NIPAL1: variants seen among roughly 807,000 people sequenced by gnomAD.
The protein encoded by NIPAL1 is NIPA like domain containing 1.
A neutral mutation model predicts 37.7 loss-of-function variants in NIPAL1; 35 were observed. The observed-to-expected ratio is 0.93, with a 90% CI of 0.71 to 1.23. The LOEUF (loss-of-function observed/expected upper bound fraction) is 1.23, where lower values mean the gene tolerates loss of function less well. NIPAL1 is among the 50% of genes most tolerant of loss of function. The probability of loss-of-function intolerance (pLI) is 0.00; values close to 1 mark genes in which losing one functional copy is unlikely to be tolerated. For synonymous variants in NIPAL1, 162 were observed against 183.0 expected (o/e 0.89, Z 0.93); for missense variants, 412 against 473.9 (o/e 0.87, Z 1.21).
At chr4:48,024,124 C>T (rs1406799112) in intron 1 of NIPAL1, among the ~76,000 whole-genome samples, 2 of 152,014 alleles carry the variant, frequency 1.3e-5, no homozygotes, top group Non-Finnish European at 2.9e-5. Context: ...AGGCATGCAC[C>T]ACCATGCCCA....
rs200319147 is a variant in NIPAL1, at chr4:48,027,034, T to TA, written c.313+1710dup. Among the ~76,000 whole-genome samples the TA allele has an allele frequency of 5.7e-3, 836 of 147,698 alleles. 8 individuals are homozygous for TA. Among genetic ancestry groups the TA allele is most frequent in the African/African-American group, 0.019 (777 of 40,342 alleles). ...CGCCTGGCCAAAAAATGAAATAATTTAAAAAAAAAAGAAGGCTTTTCTAAG... is the reference window on the plus strand; with the variant it reads ...CGCCTGGCCAAAAAATGAAATAATTTAAAAAAAAAAAGAAGGCTTTTCTAAG... On this transcript the variant is annotated intron_variant, in intron 2 of 5. Transcript: ENST00000295461. This position sits in a 1 kb window ranked among gnomAD's most constrained non-coding sequence, Gnocchi z 4.1.
At position 48,017,997 on chromosome 4, in the gene NIPAL1, G is replaced by A. The variant is rs1206181012; in HGVS notation, c.46+1112G>A. Among the ~76,000 whole-genome samples, 3 of 151,828 alleles carry A rather than the reference G, an allele frequency of 2.0e-5. No individual in the cohort carries two copies. The East Asian group carries it at 5.8e-4, about 29-fold the overall frequency. On this transcript the variant is annotated intron_variant, in intron 1 of 5. Transcript: ENST00000295461. ...GAGCTCGTCCAAACCATGCTAGCAA[G>A]GAAGAGAAGGGACACCAAAAAAAGG... is the stretch of plus-strand genomic sequence containing the variant.
In NIPAL1 at chr4:48,016,882, G is replaced by T; in HGVS notation, c.43G>T (p.Glu15Ter). The T allele has an allele frequency of 6.3e-7, 1 of 1,597,160 alleles. No homozygotes were observed. Among genetic ancestry groups the T allele is most frequent in the Non-Finnish European group, 8.5e-7 (1 of 1,173,892 alleles). The change falls in exon 1 of 6, where the codon GAA becomes TAA. Residue 15 changes from glutamate (E) to a stop codon, truncating the protein, a stop_gained. Transcript: ENST00000295461. LOFTEE classifies it high-confidence loss of function. ...GCTGCCGCCCGGAGAGCCCTGCCGA[G>T]AAGGTTTGTGTCTGCCCTGAGCCGA... ...VRLPPGEPCR[E>*]GYVLSLVCPN...
At chr4:48,029,894 C>A (rs1715783205) in intron 2 of NIPAL1, among the ~76,000 whole-genome samples, 1 of 151,816 alleles carries the variant, frequency 6.6e-6, no homozygotes, top group South Asian at 2.1e-4. Context: ...GGAAAAAAAT[C>A]TAAATGCAAT....
rs759275113 is a variant in NIPAL1, at chr4:48,035,839, C to G, written c.900C>G (p.Thr300=). 2 of 1,614,150 alleles carry G rather than the reference C, an allele frequency of 1.2e-6. No homozygotes were observed. The highest frequency in any genetic ancestry group is 1.7e-6 in the Non-Finnish European group (2 of 1,180,008). ...ACTATCTCAACAAGGCACTGGACAC[C>G]TTTAATACCTCTCTTGTGACACCCA... The part of the protein sequence containing the change: ...QINYLNKALD[T]FNTSLVTPIY... Residue 300 remains threonine (T), a synonymous_variant, in exon 6 of 6, where the codon ACC becomes ACG. Transcript: ENST00000295461.
At position 48,036,232 on chromosome 4, in the gene NIPAL1, T is replaced by C. The variant is rs1390226674; in HGVS notation, c.*60T>C. The C allele has an allele frequency of 6.9e-7, 1 of 1,458,370 alleles. No individual in the cohort carries two copies. The highest frequency in any genetic ancestry group is 1.5e-5 in the African/African-American group (1 of 68,834). The allele number at this position is 1,458,370 out of a possible 1,614,324, so 90.3% of individuals were successfully genotyped here. A position where few individuals can be genotyped will look rare whatever the true frequency, so the allele number is the denominator to read the frequency against. ...GACACACGAAGAGGAAAATGAATGC[T>C]TGCTTCTTGGAAGAACTGCTAGGAA... On this transcript the variant is annotated 3_prime_UTR_variant, in exon 6 of 6. Coordinates refer to ENST00000295461, the MANE Select transcript of NIPAL1 (RefSeq NM_207330.3).
rs1221607772 is a variant in NIPAL1, at chr4:48,025,334, G to C, written c.313G>C (p.Gly105Arg). ...QLASKGFTRA[G>R]QGGHSYLKEW... ...GGCCAGCAAGGGCTTTACTAGAGCT[G>C]GTAAGAAACACATGCAACTAATGAA... The change falls in exon 2 of 6, where the codon GGA becomes CGA. Residue 105 changes from glycine (G) to arginine (R), a missense_variant and splice_region_variant. By Grantham distance (125) the Gly-to-Arg change is moderately radical. Transcript: ENST00000295461. 1 of 1,612,584 alleles carries C rather than the reference G, an allele frequency of 6.2e-7. No individual in the cohort carries two copies. Among genetic ancestry groups the C allele is most frequent in the Non-Finnish European group, 8.5e-7 (1 of 1,179,514 alleles).
intron 4 of NIPAL1, among the ~76,000 whole-genome samples, chr4:48,034,385 T>G (rs996149259): frequency 1.3e-5 from 2 of 152,140 alleles, no homozygotes; most frequent in African/African-American, 2.4e-5. Context: ...CCCAAGACAA[T>G]TCTTCCAGTG....
chr4:48,036,027 C>CT lies in NIPAL1; in HGVS notation c.1090dup (p.Trp364LeufsTer3), dbSNP rs1444660900. ...CATGCTTTTAAAAATACTGACATTA[C>CT]TTGGAGTGAGCTTACATCCACTGCT... On this transcript the variant is annotated frameshift_variant, in exon 6 of 6. Coordinates refer to ENST00000295461, the MANE Select transcript of NIPAL1 (RefSeq NM_207330.3). LOFTEE classifies it high-confidence loss of function. 1 of 1,612,714 alleles carries CT rather than the reference C, an allele frequency of 6.2e-7. No homozygotes were observed. Among genetic ancestry groups the CT allele is most frequent in the Admixed American group, 1.7e-5 (1 of 59,540 alleles).
intron 1 of NIPAL1, among the ~76,000 whole-genome samples, chr4:48,020,830 T>C (rs1206287904): frequency 2.0e-5 from 3 of 152,196 alleles, no homozygotes; most frequent in Admixed American, 1.3e-4. Flanking sequence ...GTAGAATAGA[T>C]GGTGAGACCC....
intron 1 of NIPAL1, among the ~76,000 whole-genome samples, chr4:48,021,235 A>G (rs1196558666): frequency 2.0e-5 from 3 of 152,210 alleles, no homozygotes; most frequent in Non-Finnish European, 4.4e-5. Context: ...AGCAACATTT[A>G]TGAGGCACCA....
rs1474975478 is a variant in NIPAL1 at position 48,037,961 on chromosome 4, T to G, written c.*1789T>G. On this transcript the variant is annotated 3_prime_UTR_variant, in exon 6 of 6. Coordinates refer to ENST00000295461, the MANE Select transcript of NIPAL1 (RefSeq NM_207330.3). ...AAAAAAAATTCAGGTAGACTGAATG[T>G]TTTTCTGCTCTAACCTTAAATGTTA... 2 of 152,238 alleles carry G rather than the reference T, an allele frequency of 1.3e-5. No homozygotes were observed. 9.4% of individuals were successfully genotyped at this position (152,238 alleles called of 1,614,324 possible). A position where few individuals can be genotyped will look rare whatever the true frequency, so the allele number is the denominator to read the frequency against.
rs1237302561 is a variant in NIPAL1, at chr4:48,036,554, A to G, written c.*382A>G. The G allele has an allele frequency of 5.3e-6, 1 of 189,176 alleles. No individual in the cohort carries two copies. The highest frequency in any genetic ancestry group is 1.1e-5 in the Non-Finnish European group (1 of 94,156). 11.7% of individuals were successfully genotyped at this position (189,176 alleles called of 1,614,324 possible). On this transcript the variant is annotated 3_prime_UTR_variant, in exon 6 of 6. Coordinates refer to ENST00000295461, the MANE Select transcript of NIPAL1 (RefSeq NM_207330.3). Reference sequence around the variant, plus strand: ...GCAGTGTTCTGATAGACACAGTATCAGTCATATTCTCCGTTGAGTCATAAT... The same window carrying G: ...GCAGTGTTCTGATAGACACAGTATCGGTCATATTCTCCGTTGAGTCATAAT...
In NIPAL1 at chr4:48,016,882, G is replaced by A. The variant is rs1296826763; in HGVS notation, c.43G>A (p.Glu15Lys). Residue 15 changes from glutamate to lysine, a missense_variant, in exon 1 of 6, where the codon GAA becomes AAA. Transcript: ENST00000295461. ...VRLPPGEPCR[E>K]GYVLSLVCPN... ...GCTGCCGCCCGGAGAGCCCTGCCGA[G>A]AAGGTTTGTGTCTGCCCTGAGCCGA... The A allele has an allele frequency of 6.3e-7, 1 of 1,597,158 alleles. No individual in the cohort carries two copies. The highest frequency in any genetic ancestry group is 1.7e-5 in the Admixed American group (1 of 58,444).
chr4:48,026,960 C>G (rs6835057), intron 2 of NIPAL1, among the ~76,000 whole-genome samples: 2 of 151,366 alleles, frequency 1.3e-5, no homozygotes, highest in African/African-American at 4.9e-5. Context: ...TCAGATGATC[C>G]GCCCGCCTCG....
intron 4 of NIPAL1, among the ~76,000 whole-genome samples, chr4:48,033,603 C>G (rs1577627115): frequency 2.0e-5 from 3 of 152,288 alleles, no homozygotes; most frequent in Non-Finnish European, 1.5e-5. Flanking sequence ...AATTTTAACT[C>G]TCACTACAAT....
At chr4:48,029,749 T>C (rs1715780055) in intron 2 of NIPAL1, among the ~76,000 whole-genome samples, 1 of 152,200 alleles carries the variant, frequency 6.6e-6, no homozygotes, top group South Asian at 2.1e-4. Flanking sequence ...CATGTAAAGT[T>C]CTTTAAAAAA....
chr4:48,036,492 A>G lies in NIPAL1; in HGVS notation c.*320A>G. 2 of 310,698 alleles carry G rather than the reference A, an allele frequency of 6.4e-6. No individual in the cohort carries two copies. The highest frequency in any genetic ancestry group is 1.2e-5 in the Non-Finnish European group (2 of 168,868). The allele number at this position is 310,698 out of a possible 1,614,324, so 19.2% of individuals were successfully genotyped here. A position where few individuals can be genotyped will look rare whatever the true frequency, so the allele number is the denominator to read the frequency against. ...GTGGCTCTTCATTTCTTTGGTAGCT[A>G]TTTTTAGACTTACAGTCATTCACCA... On this transcript the variant is annotated 3_prime_UTR_variant, in exon 6 of 6. Transcript: ENST00000295461.
intron 1 of NIPAL1, among the ~76,000 whole-genome samples, chr4:48,017,819 A>C (rs1715473300): frequency 6.6e-6 from 1 of 151,662 alleles, no homozygotes; most frequent in African/African-American, 2.4e-5. Context: ...AAGGCATGGT[A>C]AGAACTACTA....
Sources: allele counts gnomAD v4.1 joint callset (sites outside exome capture counted in the v4.1 genomes callset), GRCh38; gene constraint gnomAD v4.1.1; non-coding constraint Gnocchi (gnomAD v3.1); transcripts MANE v1.5; gene names NCBI Gene and HGNC (gene_info 2026-07-23, HGNC 2026-07-21).